The following NAALADL2 variants were observed in gnomAD, a reference collection of about 807,000 sequenced individuals.
NAALADL2 encodes the protein inactive N-acetylated-alpha-linked acidic dipeptidase-like protein 2.
NAALADL2 carries 76 observed loss-of-function variants against 87.2 expected under a neutral mutation model. That is an observed-to-expected ratio of 0.87 (90% CI 0.72 to 1.05). The LOEUF (loss-of-function observed/expected upper bound fraction) is 1.05. Among genes scored for constraint, NAALADL2 ranks in the 50% least tolerant of loss-of-function variants. NAALADL2 has a pLI of 0.00. For missense variants in NAALADL2, 1,089 were observed against 945.8 expected (o/e 1.15, Z -1.99); for synonymous variants, 354 against 331.0 (o/e 1.07, Z -0.75).
At chr3:174,511,555 G>T (rs1416224044) in intron 1 of NAALADL2, among the ~76,000 whole-genome samples, 1 of 151,484 alleles carries the variant, frequency 6.6e-6, no homozygotes, top group African/African-American at 2.4e-5. Flanking sequence ...CATATTTCAA[G>T]TAGTTTTTCT....
chr3:174,840,231 CCTTT>C (rs765872721), intron 3 of NAALADL2, among the ~76,000 whole-genome samples: 5 of 150,756 alleles, frequency 3.3e-5, no homozygotes, highest in Non-Finnish European at 7.4e-5. Context: ...TCACTTATGC[CCTTT>C]CTTGATTTTA....
chr3:174,655,637 A>C, intron 2 of NAALADL2, among the ~76,000 whole-genome samples: 1 of 152,302 alleles, frequency 6.6e-6, no homozygotes, highest in South Asian at 2.1e-4. Context: ...ACCAAATTAA[A>C]GTATTAAAGT....
chr3:175,721,557 A>T (rs1742238262), intron 11 of NAALADL2, among the ~76,000 whole-genome samples: 1 of 152,106 alleles, frequency 6.6e-6, no homozygotes, highest in Admixed American at 6.6e-5. Context: ...TTCTAATTAG[A>T]GGATGAGCTC....
At chr3:175,067,612 G>A (rs1020322092) in intron 1 of NAALADL2, among the ~76,000 whole-genome samples, 22 of 152,110 alleles carry the variant, frequency 1.4e-4, no homozygotes, top group Non-Finnish European at 2.8e-4. Flanking sequence ...CAGGGCTGCA[G>A]AGAAAAAGGA....
intron 5 of NAALADL2, among the ~76,000 whole-genome samples, chr3:175,390,086 T>A (rs1768892366): frequency 6.6e-6 from 1 of 152,006 alleles, no homozygotes; most frequent in South Asian, 2.1e-4. Context: ...AAAATAGAAC[T>A]TTAAGAGCCA....
In NAALADL2 at chr3:174,961,041, A is replaced by AATAT. The variant is rs145962467; in HGVS notation, c.43+101602_43+101605dup. On this transcript the variant is annotated intron_variant, in intron 1 of 13. Transcript: ENST00000454872. ...TACAGAACAAGACCTTGTTTCTAAA[A>AATAT]ATATATATATATATTAAATATATCA... is the stretch of plus-strand genomic sequence containing the variant. Among the ~76,000 whole-genome samples, 834 of 146,598 alleles carry AATAT rather than the reference A, an allele frequency of 5.7e-3. 9 individuals are homozygous for AATAT. Among genetic ancestry groups the AATAT allele is most frequent in the South Asian group, 0.026 (124 of 4,696 alleles).
At chr3:175,068,264 A>G (rs1357059737) in intron 1 of NAALADL2, among the ~76,000 whole-genome samples, 1 of 152,132 alleles carries the variant, frequency 6.6e-6, no homozygotes, top group African/African-American at 2.4e-5. Context: ...TTGTAAAACA[A>G]TAGAATAAAA....
At chr3:175,665,625 A>T (rs1339741231) in intron 11 of NAALADL2, among the ~76,000 whole-genome samples, 1 of 152,148 alleles carries the variant, frequency 6.6e-6, no homozygotes, top group Non-Finnish European at 1.5e-5. Context: ...TTATGATAGC[A>T]TCTTAACATT....
chr3:174,444,362 G>A (rs866809764), intron 1 of NAALADL2, among the ~76,000 whole-genome samples: 1 of 152,234 alleles, frequency 6.6e-6, no homozygotes, highest in South Asian at 2.1e-4. Context: ...TGGTACATGA[G>A]AAATTTGTAG....
intron 13 of NAALADL2, among the ~76,000 whole-genome samples, chr3:175,777,801 G>A (rs927292971): frequency 6.6e-6 from 1 of 152,128 alleles, no homozygotes; most frequent in African/African-American, 2.4e-5. Context: ...ATCTCTGAGA[G>A]TCAGTAGCTG....
intron 1 of NAALADL2, among the ~76,000 whole-genome samples, chr3:174,963,167 G>T (rs1742366316): frequency 6.6e-6 from 1 of 152,028 alleles, no homozygotes. Flanking sequence ...AACATATCTG[G>T]CTGGAATCAC....
At chr3:174,992,377 C>T (rs1022743416) in intron 1 of NAALADL2, among the ~76,000 whole-genome samples, 10 of 152,008 alleles carry the variant, frequency 6.6e-5, no homozygotes, top group Admixed American at 2.0e-4. Flanking sequence ...CTCTCAGGAA[C>T]GTTTTCTTGT....
chr3:175,018,460 A>T (rs1468266382), intron 1 of NAALADL2, among the ~76,000 whole-genome samples: 1 of 152,024 alleles, frequency 6.6e-6, no homozygotes, highest in African/African-American at 2.4e-5. Flanking sequence ...AATGTTTATA[A>T]GTGTCAGAAA....
chr3:175,048,508 ATTTT>A (rs11346343), intron 1 of NAALADL2, among the ~76,000 whole-genome samples: 3 of 136,066 alleles, frequency 2.2e-5, no homozygotes, highest in African/African-American at 2.6e-5. Context: ...TTCTAAAACC[ATTTT>A]TTTTTTTTTT....
At chr3:174,485,196 A>C (rs1446776039) in intron 1 of NAALADL2, among the ~76,000 whole-genome samples, 1 of 152,022 alleles carries the variant, frequency 6.6e-6, no homozygotes, top group Non-Finnish European at 1.5e-5. Flanking sequence ...TATAGCAACT[A>C]TTCACTTAGC....
intron 1 of NAALADL2, among the ~76,000 whole-genome samples, chr3:174,897,014 A>C (rs914858036): frequency 6.6e-6 from 1 of 152,192 alleles, no homozygotes; most frequent in Non-Finnish European, 1.5e-5. Context: ...CAAAAATAAA[A>C]TTGAAGTGGA....
intron 2 of NAALADL2, among the ~76,000 whole-genome samples, chr3:174,722,748 A>T (rs1677213119): frequency 1.3e-5 from 2 of 152,190 alleles, no homozygotes. Context: ...AAAAATTGTT[A>T]ATAGAATCAA....
At chr3:175,013,116 AAAT>A (rs1750186317) in intron 1 of NAALADL2, among the ~76,000 whole-genome samples, 1 of 7,998 alleles carries the variant, frequency 1.3e-4, no homozygotes, top group African/African-American at 6.6e-4. Context: ...ATTTATATAT[AAAT>A]ATACATATTT....
At chr3:174,539,041 T>C (rs1276148226) in intron 1 of NAALADL2, among the ~76,000 whole-genome samples, 1 of 152,210 alleles carries the variant, frequency 6.6e-6, no homozygotes, top group African/African-American at 2.4e-5. Context: ...TAGATACCTT[T>C]TTGTTTGCAG....
Sources: allele counts gnomAD v4.1 joint callset (sites outside exome capture counted in the v4.1 genomes callset), GRCh38; gene constraint gnomAD v4.1.1; transcripts MANE v1.5; gene names NCBI Gene and HGNC (gene_info 2026-07-23, HGNC 2026-07-21).